Variants in MSH3 observed in about 807,000 individuals in gnomAD.
MSH3 encodes DNA mismatch repair protein Msh3.
MSH3 carries 106 observed loss-of-function variants against 123.3 expected under a neutral mutation model. The ratio of observed to expected loss-of-function variants is 0.86; its 90% CI spans 0.73 to 1.01. The LOEUF (loss-of-function observed/expected upper bound fraction) is 1.01. Ranked by LOEUF, MSH3 falls within the 50% of genes least tolerant of loss-of-function variation. The probability of loss-of-function intolerance (pLI) is 0.00; values close to 1 mark genes in which losing one functional copy is unlikely to be tolerated. For missense variants in MSH3, 1,459 were observed against 1,347.6 expected (o/e 1.08, Z -1.29); for synonymous variants, 515 against 481.4 (o/e 1.07, Z -0.91).
At chr5:80,761,325 G>T (rs912967523) in intron 12 of MSH3, among the ~76,000 whole-genome samples, 1 of 152,160 alleles carries the variant, frequency 6.6e-6, no homozygotes, top group African/African-American at 2.4e-5. Flanking sequence ...TGCCAAAGGC[G>T]TGAACTTCTG....
chr5:80,723,583 A>G (rs909462063), intron 8 of MSH3, among the ~76,000 whole-genome samples: 1 of 152,188 alleles, frequency 6.6e-6, no homozygotes, highest in African/African-American at 2.4e-5. Flanking sequence ...TAAAAAGCAC[A>G]TGTATCTTCA....
chr5:80,858,254 G>T (rs1745951881), intron 21 of MSH3, among the ~76,000 whole-genome samples: 2 of 151,968 alleles, frequency 1.3e-5, no homozygotes, highest in African/African-American at 2.4e-5. Context: ...TCACTATGTT[G>T]CCCAGGCTGG....
At chr5:80,693,086 TATAG>T (rs1428781933) in intron 8 of MSH3, among the ~76,000 whole-genome samples, 24 of 138,008 alleles carry the variant, frequency 1.7e-4, no homozygotes, top group South Asian at 4.9e-4. Context: ...TATATGTTTA[TATAG>T]ATAAATATAC....
Position 80,672,243 on chromosome 5 carries a change from G to T in MSH3, c.793-1G>T. 2 of 1,603,224 alleles carry T rather than the reference G, an allele frequency of 1.2e-6. No homozygotes were observed. The highest frequency in any genetic ancestry group is 1.1e-5 in the South Asian group (1 of 90,170). ...TGATATTTTCTTTTTTCATTTTTTA[G>T]ATTGCAGCCCGAGAGCTCAATATTT... On this transcript the variant is annotated splice_acceptor_variant, in intron 4 of 23. Transcript: ENST00000265081. LOFTEE classifies it high-confidence loss of function.
chr5:80,819,922 C>T (rs1344473282), intron 20 of MSH3, among the ~76,000 whole-genome samples: 1 of 152,058 alleles, frequency 6.6e-6, no homozygotes, highest in Admixed American at 6.5e-5. Flanking sequence ...CTGAGTATGC[C>T]AAGAAAGCCC....
chr5:80,723,201 G>A (rs2112853682), intron 8 of MSH3, among the ~76,000 whole-genome samples: 1 of 152,198 alleles, frequency 6.6e-6, no homozygotes, highest in African/African-American at 2.4e-5. Context: ...GAAAATCAAA[G>A]GGCCAGGAGT....
intron 8 of MSH3, among the ~76,000 whole-genome samples, chr5:80,685,403 T>C (rs1650750): frequency 0.25 from 38,120 of 151,636 alleles, 4,903 homozygotes; most frequent in Middle Eastern, 0.32. Context: ...TGGTGGATTG[T>C]GTGTGTTTAG....
At chr5:80,836,984 T>A (rs1745526171) in intron 20 of MSH3, among the ~76,000 whole-genome samples, 1 of 152,164 alleles carries the variant, frequency 6.6e-6, no homozygotes, top group Admixed American at 6.5e-5. Context: ...GGATAAATTG[T>A]TGTCATGGTG....
At chr5:80,675,223 A>G in intron 7 of MSH3, 95 bp downstream of exon 7, 1 of 1,287,274 alleles carries the variant, frequency 7.8e-7, no homozygotes, top group Non-Finnish European at 1.1e-6. Flanking sequence ...ATATCTGATG[A>G]AGTGTACCTT....
intron 10 of MSH3, among the ~76,000 whole-genome samples, chr5:80,737,325 TTGTC>T (rs1353622345): frequency 1.3e-5 from 2 of 152,150 alleles, no homozygotes; most frequent in African/African-American, 2.4e-5. Flanking sequence ...CTTGTTGCCT[TTGTC>T]TGTCTTTTTT....
At chr5:80,818,087 C>T (rs544176647) in intron 20 of MSH3, among the ~76,000 whole-genome samples, 1 of 152,160 alleles carries the variant, frequency 6.6e-6, no homozygotes, top group Admixed American at 6.5e-5. Flanking sequence ...GGTGTGGTGG[C>T]AAGCACCTGT....
At chr5:80,832,319 G>GA (rs1365372758) in intron 20 of MSH3, among the ~76,000 whole-genome samples, 4 of 151,996 alleles carry the variant, frequency 2.6e-5, no homozygotes, top group Non-Finnish European at 5.9e-5. Flanking sequence ...TGTTTCTGAT[G>GA]AAAAAGTTCT....
chr5:80,681,744 CAA>C (rs777242496), intron 8 of MSH3, among the ~76,000 whole-genome samples: 8 of 151,752 alleles, frequency 5.3e-5, no homozygotes, highest in Non-Finnish European at 1.2e-4. Flanking sequence ...TATAAAATAA[CAA>C]TGGCGAAATT....
intron 20 of MSH3, among the ~76,000 whole-genome samples, chr5:80,840,266 T>G (rs1001219349): frequency 6.6e-5 from 10 of 152,142 alleles, no homozygotes; most frequent in African/African-American, 2.4e-4. Flanking sequence ...GGTACTAAAC[T>G]TTGTTGTTTG....
intron 10 of MSH3, among the ~76,000 whole-genome samples, chr5:80,738,305 C>G (rs1466576687): frequency 2.6e-5 from 4 of 152,180 alleles, no homozygotes; most frequent in Non-Finnish European, 4.4e-5. Flanking sequence ...TTTTAGCAAG[C>G]AGGCACAAAA....
chr5:80,724,407 T>C (rs1743215287), intron 8 of MSH3, among the ~76,000 whole-genome samples: 1 of 152,178 alleles, frequency 6.6e-6, no homozygotes, highest in Non-Finnish European at 1.5e-5. Flanking sequence ...TTATATATGC[T>C]TGTGTATGAC....
intron 13 of MSH3, among the ~76,000 whole-genome samples, chr5:80,764,936 C>G (rs1744099059): frequency 6.6e-6 from 1 of 152,138 alleles, no homozygotes; most frequent in Admixed American, 6.5e-5. Context: ...GGGGTCCTTC[C>G]CATCCTGTGT....
intron 20 of MSH3, among the ~76,000 whole-genome samples, chr5:80,833,979 C>G (rs1745463968): frequency 6.6e-6 from 1 of 152,160 alleles, no homozygotes; most frequent in Non-Finnish European, 1.5e-5. Context: ...AATAAATAAA[C>G]TATACATTTC....
At chr5:80,693,622 T>TACAC (rs1278165935) in intron 8 of MSH3, among the ~76,000 whole-genome samples, 2 of 96,316 alleles carry the variant, frequency 2.1e-5, no homozygotes, top group Non-Finnish European at 4.1e-5. Flanking sequence ...CACACACACA[T>TACAC]ATACACACAC....
Sources: gnomAD v4.1 joint callset for allele counts (sites outside exome capture counted in the v4.1 genomes callset) on GRCh38, gnomAD v4.1.1 for gene constraint, MANE v1.5 for transcripts, NCBI Gene and HGNC (gene_info 2026-07-23, HGNC 2026-07-21) for gene names.